Variants in C12orf42 observed in about 807,000 individuals in gnomAD.
The protein encoded by C12orf42 is chromosome 12 open reading frame 42, also known as uncharacterized protein C12orf42.
A neutral mutation model predicts 21.6 loss-of-function variants in C12orf42; 25 were observed. The ratio of observed to expected loss-of-function variants is 1.16; its 90% CI spans 0.84 to 1.62. The LOEUF (loss-of-function observed/expected upper bound fraction) is 1.62. Among genes scored for constraint, C12orf42 ranks in the 40% most tolerant of loss-of-function variants. C12orf42 has a pLI of 0.00. For missense variants in C12orf42, 483 were observed against 459.3 expected (o/e 1.05, Z -0.47); for synonymous variants, 174 against 175.0 (o/e 0.99, Z 0.05).
chr12:103,325,175 A>T (rs1435419959), intron 4 of C12orf42, among the ~76,000 whole-genome samples: 2 of 152,236 alleles, frequency 1.3e-5, no homozygotes, highest in African/African-American at 4.8e-5. Flanking sequence ...TTTTGGGGAC[A>T]TAGAAGAACT....
intron 2 of C12orf42, among the ~76,000 whole-genome samples, chr12:103,433,276 AC>A (rs1432356123): frequency 6.6e-6 from 1 of 152,246 alleles, no homozygotes; most frequent in Non-Finnish European, 1.5e-5. Flanking sequence ...TTTTCTTTAT[AC>A]AAATACTGTA....
intron 2 of C12orf42, among the ~76,000 whole-genome samples, chr12:103,439,274 C>T (rs1320326217): frequency 1.3e-5 from 2 of 152,014 alleles, no homozygotes; most frequent in Non-Finnish European, 2.9e-5. Context: ...GGATTAAAGA[C>T]TTAAACGTTA....
intron 2 of C12orf42, among the ~76,000 whole-genome samples, chr12:103,418,095 G>T (rs1033178121): frequency 1.3e-5 from 2 of 152,012 alleles, no homozygotes; most frequent in Admixed American, 1.3e-4. Flanking sequence ...ACATAGAAAT[G>T]GTATTTAAAT....
chr12:103,538,237 A>G, the C12orf42 span, among the ~76,000 whole-genome samples: 4 of 152,236 alleles, frequency 2.6e-5, no homozygotes, highest in Non-Finnish European at 4.4e-5. Context: ...CAGAAGAGAG[A>G]TATCTAAGCT....
the C12orf42 span, among the ~76,000 whole-genome samples, chr12:103,207,187 A>G: frequency 2.0e-5 from 3 of 152,342 alleles, no homozygotes; most frequent in Admixed American, 1.3e-4. Flanking sequence ...GTGCAGGCAA[A>G]TGGCAGAGAG....
chr12:103,271,602 G>A (rs1296473340), intron 5 of C12orf42, among the ~76,000 whole-genome samples: 1 of 152,152 alleles, frequency 6.6e-6, no homozygotes, highest in African/African-American at 2.4e-5. Flanking sequence ...AAATGAGACA[G>A]AGTAGGTAAA....
At chr12:103,066,725 C>G in the C12orf42 span, among the ~76,000 whole-genome samples, 1 of 152,182 alleles carries the variant, frequency 6.6e-6, no homozygotes, top group Non-Finnish European at 1.5e-5. Context: ...TTGAAAGAAG[C>G]ATGATTGGAA....
chr12:103,435,712 A>G (rs1950644336), intron 2 of C12orf42, among the ~76,000 whole-genome samples: 1 of 151,622 alleles, frequency 6.6e-6, no homozygotes, highest in South Asian at 2.1e-4. Flanking sequence ...AAAAGAATAA[A>G]AAGAAATGAG....
chr12:103,229,683 T>G, the C12orf42 span, among the ~76,000 whole-genome samples: 1 of 152,232 alleles, frequency 6.6e-6, no homozygotes, highest in African/African-American at 2.4e-5. Context: ...CCAGAGGGAA[T>G]GACTATATGG....
At chr12:103,104,715 G>A in the C12orf42 span, among the ~76,000 whole-genome samples, 1 of 152,206 alleles carries the variant, frequency 6.6e-6, no homozygotes, top group African/African-American at 2.4e-5. Context: ...TTACAGGCGT[G>A]AGCCACCGCG....
intron 2 of C12orf42, among the ~76,000 whole-genome samples, chr12:103,412,205 T>C (rs776758317): frequency 6.6e-6 from 1 of 152,222 alleles, no homozygotes; most frequent in Non-Finnish European, 1.5e-5. Context: ...TAAAATGTCA[T>C]AGTTCAGAAC....
At chr12:103,066,289 A>G in the C12orf42 span, among the ~76,000 whole-genome samples, 1 of 152,112 alleles carries the variant, frequency 6.6e-6, no homozygotes, top group Admixed American at 6.5e-5. Flanking sequence ...TTCATCATCA[A>G]ATGGAAGTGG....
At chr12:103,425,765 C>A (rs796720014) in intron 2 of C12orf42, among the ~76,000 whole-genome samples, 31 of 152,112 alleles carry the variant, frequency 2.0e-4, no homozygotes, top group African/African-American at 7.0e-4. Flanking sequence ...AAGCCCCTGA[C>A]TGGAGCTTCT....
At chr12:103,316,537 GA>G (rs985048910) in intron 4 of C12orf42, among the ~76,000 whole-genome samples, 5 of 152,028 alleles carry the variant, frequency 3.3e-5, no homozygotes, top group African/African-American at 1.2e-4. Context: ...TAAATAATAT[GA>G]AATCTTTTTT....
At chr12:103,350,678 T>C (rs1291742437) in intron 4 of C12orf42, among the ~76,000 whole-genome samples, 1 of 152,162 alleles carries the variant, frequency 6.6e-6, no homozygotes, top group Admixed American at 6.6e-5. Context: ...GCAACTCTTA[T>C]ACTTTTTCAG....
the C12orf42 span, among the ~76,000 whole-genome samples, chr12:103,087,314 T>A: frequency 1.3e-5 from 2 of 152,318 alleles, no homozygotes; most frequent in East Asian, 3.9e-4. Flanking sequence ...TTTGCTTTGG[T>A]GCAGAGATGC....
At chr12:103,439,508 T>C (rs1293142673) in intron 2 of C12orf42, among the ~76,000 whole-genome samples, 2 of 79,090 alleles carry the variant, frequency 2.5e-5, no homozygotes. Flanking sequence ...AACCTACTCA[T>C]CTGACAAAGA....
At chr12:103,552,209 G>A in the C12orf42 span, among the ~76,000 whole-genome samples, 5 of 152,162 alleles carry the variant, frequency 3.3e-5, no homozygotes, top group Admixed American at 3.3e-4. Context: ...CATTTAAATT[G>A]TAGTGTGAAC....
chr12:103,164,264 A>T, the C12orf42 span: 1 of 379,616 alleles, frequency 2.6e-6, no homozygotes, highest in South Asian at 2.0e-5. Flanking sequence ...CTATGCTACC[A>T]GGCTTGAATC....
Sources: allele counts gnomAD v4.1 joint callset (sites outside exome capture counted in the v4.1 genomes callset), GRCh38; gene constraint gnomAD v4.1.1; transcripts MANE v1.5; gene names NCBI Gene and HGNC (gene_info 2026-07-23, HGNC 2026-07-21).